EIF4B: variants seen among roughly 807,000 people sequenced by gnomAD.
EIF4B encodes the protein eukaryotic translation initiation factor 4B.
EIF4B carries 8 observed loss-of-function variants against 79.3 expected under a neutral mutation model. That is an observed-to-expected ratio of 0.10 (90% CI 0.06 to 0.18). EIF4B has a LOEUF of 0.18. Ranked by LOEUF, EIF4B falls within the 10% of genes least tolerant of loss-of-function variation. The pLI is 1.00. For missense variants in EIF4B, 515 were observed against 792.4 expected (o/e 0.65, Z 4.20); for synonymous variants, 238 against 274.7 (o/e 0.87, Z 1.32).
chr12:53,023,593 T>C (rs1943285814), intron 6 of EIF4B, among the ~76,000 whole-genome samples: 1 of 149,276 alleles, frequency 6.7e-6, no homozygotes, highest in South Asian at 2.1e-4. Context: ...TTTTTTTTTT[T>C]TTTTTTTGAG....
At chr12:53,019,412 T>A (rs1195973724) in intron 3 of EIF4B, among the ~76,000 whole-genome samples, 13 of 121,302 alleles carry the variant, frequency 1.1e-4, no homozygotes, top group African/African-American at 3.3e-4. Context: ...AGAAAAAAAA[T>A]AAAATCAAAA....
intron 13 of EIF4B, 108 bp from the exon 14 acceptor site, chr12:53,039,522 C>G: frequency 7.5e-7 from 1 of 1,332,042 alleles, no homozygotes; most frequent in Non-Finnish European, 1.0e-6. Flanking sequence ...ACAACAAGGA[C>G]TGTTGACTAG....
At chr12:53,038,816 C>CA (rs58565330) in intron 12 of EIF4B, 10,105 of 157,816 alleles carry the variant, frequency 0.064, 423 homozygotes, top group South Asian at 0.12. Context: ...GACTCTGTCT[C>CA]AAAAAAAAAA....
Position 53,040,426 on chromosome 12 carries a change from T to A in EIF4B, c.*203T>A. ...ATTGAAGTAACTGGAGAATTGCCAA[T>A]ACAGCCAGAGAGAAAGGGACTACAG... On this transcript the variant is annotated 3_prime_UTR_variant, in exon 15 of 15. Coordinates refer to ENST00000262056, the MANE Select transcript of EIF4B (RefSeq NM_001417.7). 1.9e-6 allele frequency: 1 copy of A among 513,356 alleles called. No individual in the cohort carries two copies. The highest frequency in any genetic ancestry group is 2.4e-5 in the South Asian group (1 of 41,386). The allele number at this position is 513,356 out of a possible 1,614,324, so 31.8% of individuals were successfully genotyped here.
intron 1 of EIF4B, among the ~76,000 whole-genome samples, chr12:53,015,880 A>C (rs1210527781): frequency 1.3e-5 from 2 of 151,124 alleles, no homozygotes; most frequent in Non-Finnish European, 2.9e-5. Context: ...CGGGAGGCTG[A>C]GGCAGGAGAA....
chr12:53,027,634 A>C, intron 6 of EIF4B, 148 bp from the exon 7 acceptor site: 1 of 1,369,552 alleles, frequency 7.3e-7, no homozygotes, highest in Non-Finnish European at 9.8e-7. Context: ...TTAGCTGAGC[A>C]ACAATTATTT....
rs919006709 is a variant in EIF4B, at chr12:53,021,928, G to A, written c.532+68G>A. On this transcript the variant is annotated intron_variant, in intron 5 of 14. Coordinates refer to ENST00000262056, the MANE Select transcript of EIF4B (RefSeq NM_001417.7). ...GATGACACCAAGCCATCCTTTCCCAGAAAATTTGAATAGGGGTAGTGGTGG... is the reference window on the plus strand; with the variant it reads ...GATGACACCAAGCCATCCTTTCCCAAAAAATTTGAATAGGGGTAGTGGTGG... 3 of 1,597,066 alleles carry A rather than the reference G, an allele frequency of 1.9e-6. No individual in the cohort carries two copies. In the African/African-American group the frequency reaches 4.0e-5, roughly 21 times the overall value.
intron 10 of EIF4B, among the ~76,000 whole-genome samples, chr12:53,036,345 C>T (rs997867837): frequency 6.6e-6 from 1 of 152,144 alleles, no homozygotes; most frequent in Admixed American, 6.5e-5. Flanking sequence ...ATCTCTTGAT[C>T]TTGTGATCTG....
chr12:53,019,423 T>TTATATA (rs143395955), intron 3 of EIF4B, among the ~76,000 whole-genome samples: 23 of 65,838 alleles, frequency 3.5e-4, no homozygotes, highest in African/African-American at 7.4e-4. Context: ...AAAATCAAAA[T>TTATATA]TATATATATA....
rs544761144 is a variant in EIF4B, at chr12:53,041,967, C to G, written c.*1744C>G. ...TGCCCTCTTCATGTCTACTCTCCTT[C>G]CAAATAGTTATATCCAAAACTGTTT... On this transcript the variant is annotated 3_prime_UTR_variant, in exon 15 of 15. Transcript: ENST00000262056. The G allele has an allele frequency of 6.5e-6, 1 of 152,768 alleles. No homozygotes were observed. Among genetic ancestry groups the G allele is most frequent in the South Asian group, 2.1e-4 (1 of 4,826 alleles). The allele number at this position is 152,768 out of a possible 1,614,324, so 9.5% of individuals were successfully genotyped here. A position where few individuals can be genotyped will look rare whatever the true frequency, so the allele number is the denominator to read the frequency against.
chr12:53,015,907 GGCAGGGGTT>G lies in EIF4B; in HGVS notation c.14-561_14-553del, dbSNP rs375951492. ...GCAGGAGAATTGCTTGAACCCAGGA[GGCAGGGGTT>G]GCAGTGAGCCGAGATGGCACCATTG... On this transcript the variant is annotated intron_variant, in intron 1 of 14. Transcript: ENST00000262056. Among the ~76,000 whole-genome samples the G allele has an allele frequency of 5.7e-3, 856 of 151,124 alleles. 10 individuals are homozygous for G. The highest frequency in any genetic ancestry group is 0.02 in the African/African-American group (816 of 41,148).
At chr12:53,035,403 CTG>C (rs1943523889) in intron 10 of EIF4B, among the ~76,000 whole-genome samples, 3 of 151,190 alleles carry the variant, frequency 2.0e-5, no homozygotes, top group African/African-American at 7.3e-5. Context: ...GAGTCTCGCT[CTG>C]TCGCCCAGGC....
intron 2 of EIF4B, among the ~76,000 whole-genome samples, chr12:53,018,264 A>T (rs1943180059): frequency 6.6e-6 from 1 of 152,222 alleles, no homozygotes; most frequent in African/African-American, 2.4e-5. Context: ...TTGGGATTAT[A>T]GGTGTGAGCC....
chr12:53,030,920 C>T (rs1943433077), intron 8 of EIF4B, among the ~76,000 whole-genome samples: 1 of 152,008 alleles, frequency 6.6e-6, no homozygotes, highest in Non-Finnish European at 1.5e-5. Context: ...GACTTCTGAC[C>T]TTTTCCTCTC....
At chr12:53,029,948 A>C (rs1257750004) in intron 8 of EIF4B, among the ~76,000 whole-genome samples, 4 of 151,914 alleles carry the variant, frequency 2.6e-5, no homozygotes, top group African/African-American at 9.7e-5. Context: ...TAGGCCAGCC[A>C]TGGTGGCTCA....
At chr12:53,011,530 G>A (rs781368933) in intron 1 of EIF4B, among the ~76,000 whole-genome samples, 2 of 152,142 alleles carry the variant, frequency 1.3e-5, no homozygotes, top group African/African-American at 2.4e-5. Context: ...AATGGGGATC[G>A]GGGATTACTA....
chr12:53,026,174 T>G (rs1363815998), intron 6 of EIF4B, among the ~76,000 whole-genome samples: 2 of 152,172 alleles, frequency 1.3e-5, no homozygotes, highest in East Asian at 3.8e-4. Context: ...ACGTGTAGGT[T>G]GTTTTAGTTA....
chr12:53,034,870 G>A lies in EIF4B; in HGVS notation c.1306+161G>A, dbSNP rs533440615. On this transcript the variant is annotated intron_variant, in intron 10 of 14. Coordinates refer to ENST00000262056, the MANE Select transcript of EIF4B (RefSeq NM_001417.7). ...TCATATCTTCTGCTCCAAAGAATCT[G>A]AGGAATGGGTACCAGAGTAGACCTA... The A allele has an allele frequency of 1.5e-5, 11 of 710,796 alleles. No individual in the cohort carries two copies. In the South Asian group the frequency reaches 1.8e-4, roughly 12 times the overall value. 44.0% of individuals were successfully genotyped at this position (710,796 alleles called of 1,614,324 possible).
chr12:53,033,980 A>G lies in EIF4B; in HGVS notation c.1154A>G (p.Glu385Gly). 6.2e-7 allele frequency: 1 copy of G among 1,613,912 alleles called. No individual in the cohort carries two copies. The highest frequency in any genetic ancestry group is 8.5e-7 in the Non-Finnish European group (1 of 1,179,908). Residue 385 changes from glutamate to glycine, a missense_variant, in exon 9 of 15, where the codon GAG becomes GGG. Transcript: ENST00000262056. ...GAAGAACGGCTACAGAAGGAACAAGAGAAGTTGCAGCGTCAGCTGGATGAG... is the reference window on the plus strand; with the variant it reads ...GAAGAACGGCTACAGAAGGAACAAGGGAAGTTGCAGCGTCAGCTGGATGAG... ...EVEERLQKEQ[E>G]KLQRQLDEPK...
Sources: gnomAD v4.1 joint callset for allele counts (sites outside exome capture counted in the v4.1 genomes callset) on GRCh38, gnomAD v4.1.1 for gene constraint, MANE v1.5 for transcripts, NCBI Gene and HGNC (gene_info 2026-07-23, HGNC 2026-07-21) for gene names.